DCLK1: variants seen among roughly 807,000 people sequenced by gnomAD.
DCLK1 encodes the protein serine/threonine-protein kinase DCLK1.
DCLK1 carries 16 observed loss-of-function variants against 86.2 expected under a neutral mutation model. The observed-to-expected ratio is 0.19, with a 90% confidence interval of 0.13 to 0.28. The LOEUF (loss-of-function observed/expected upper bound fraction) is 0.28. DCLK1 is among the 10% of genes least tolerant of loss of function. DCLK1 has a pLI of 1.00. For synonymous variants in DCLK1, 369 were observed against 370.5 expected, an observed-to-expected ratio of 1.00 and a Z score of 0.05; for missense variants, 590 against 940.2, an observed-to-expected ratio of 0.63 and a Z score of 4.87.
intron 8 of DCLK1, among the ~76,000 whole-genome samples, chr13:35,835,528 T>C (rs1196425122): frequency 6.6e-6 from 1 of 152,194 alleles, no homozygotes; most frequent in African/African-American, 2.4e-5. Flanking sequence ...AACCCTTCCC[T>C]TTGGGCCACA....
chr13:36,117,848 T>G (rs1306586465), intron 2 of DCLK1, among the ~76,000 whole-genome samples: 1 of 152,088 alleles, frequency 6.6e-6, no homozygotes, highest in Non-Finnish European at 1.5e-5. Flanking sequence ...CAGTAAGTAA[T>G]AATTGCTAAG....
chr13:35,935,450 G>A (rs1049161524), intron 4 of DCLK1, among the ~76,000 whole-genome samples: 3 of 152,184 alleles, frequency 2.0e-5, no homozygotes, highest in Non-Finnish European at 2.9e-5. Context: ...TTGGAAAGGA[G>A]GGGGACAGAT....
intron 10 of DCLK1, among the ~76,000 whole-genome samples, chr13:35,826,697 A>G (rs574988132): frequency 1.3e-5 from 2 of 152,148 alleles, no homozygotes; most frequent in Admixed American, 1.3e-4. Flanking sequence ...TAGAATGAAC[A>G]TTTTTCATAT....
intron 3 of DCLK1, among the ~76,000 whole-genome samples, chr13:36,058,782 T>C (rs1883429213): frequency 6.6e-6 from 1 of 152,196 alleles, no homozygotes; most frequent in Non-Finnish European, 1.5e-5. Context: ...TTTGCTTATG[T>C]TGAATTTGGC....
intron 3 of DCLK1, among the ~76,000 whole-genome samples, chr13:36,031,665 T>C (rs971279819): frequency 6.6e-6 from 1 of 152,216 alleles, no homozygotes; most frequent in Admixed American, 6.5e-5. Context: ...CTCAGTATTA[T>C]TTACAGTGAC....
At chr13:35,889,846 G>A (rs17053108) in intron 4 of DCLK1, among the ~76,000 whole-genome samples, 1,920 of 152,144 alleles carry the variant, frequency 0.013, 28 homozygotes, top group African/African-American at 0.043. Context: ...GACTATCATA[G>A]CCATGTAATT....
In DCLK1 at chr13:35,772,048, C is replaced by G. The variant is rs940569044; in HGVS notation, c.*2487G>C. On this transcript the variant is annotated 3_prime_UTR_variant, in exon 17 of 17. Transcript: ENST00000360631. ...TCTCTGACATTCAGGATCTTGGTAG[C>G]TTAATGTTAGAAAGATTGCATTCCA... 1 of 152,196 alleles carries G rather than the reference C, an allele frequency of 6.6e-6. No homozygotes were observed. The highest frequency in any genetic ancestry group is 1.5e-5 in the Non-Finnish European group (1 of 68,042). The allele number at this position is 152,196 out of a possible 1,614,324, so 9.4% of individuals were successfully genotyped here. A position where few individuals can be genotyped will look rare whatever the true frequency, so the allele number is the denominator to read the frequency against.
At chr13:35,806,486 G>A (rs1000403900) in intron 14 of DCLK1, among the ~76,000 whole-genome samples, 1 of 152,148 alleles carries the variant, frequency 6.6e-6, no homozygotes, top group Non-Finnish European at 1.5e-5. Context: ...GGGTCTTAAC[G>A]ATGAGTATGC....
intron 3 of DCLK1, among the ~76,000 whole-genome samples, chr13:35,987,068 C>T (rs184162309): frequency 1.2e-4 from 19 of 152,294 alleles, no homozygotes; most frequent in African/African-American, 4.3e-4. Flanking sequence ...CCTTCCTGTT[C>T]TCTCATTAAT....
At chr13:35,843,368 C>T (rs1190984531) in intron 6 of DCLK1, among the ~76,000 whole-genome samples, 2 of 152,164 alleles carry the variant, frequency 1.3e-5, no homozygotes, top group Non-Finnish European at 1.5e-5. Context: ...TTTTATGGCA[C>T]ACCTTCATAA....
At position 36,047,465 on chromosome 13, in the gene DCLK1, G is replaced by GTA. The variant is rs147102651; in HGVS notation, c.723+64402_723+64403dup. 9.7e-3 allele frequency among the ~76,000 whole-genome samples: 1,475 copies of GTA among 152,174 alleles called. 26 individuals are homozygous for GTA. Among genetic ancestry groups the GTA allele is most frequent in the African/African-American group, 0.034 (1,407 of 41,500 alleles). ...GATAGATACATGGGTTAAAAACATA[G>GTA]TATATATATCTGCATGTACACAATG... On this transcript the variant is annotated intron_variant, in intron 3 of 16. Transcript: ENST00000360631.
chr13:35,846,234 A>C (rs1434749533), intron 6 of DCLK1: 19 of 984,990 alleles, frequency 1.9e-5, no homozygotes, highest in Non-Finnish European at 1.6e-5. Context: ...CTTTATAAAA[A>C]CGTTATCCAA....
intron 4 of DCLK1, among the ~76,000 whole-genome samples, chr13:35,898,685 G>T (rs1874158455): frequency 6.6e-6 from 1 of 152,138 alleles, no homozygotes; most frequent in Non-Finnish European, 1.5e-5. Flanking sequence ...GCCATTTTAT[G>T]TGTCACAGTC....
At chr13:35,794,044 A>G (rs2086757215) in intron 15 of DCLK1, among the ~76,000 whole-genome samples, 1 of 152,188 alleles carries the variant, frequency 6.6e-6, no homozygotes, top group Non-Finnish European at 1.5e-5. Flanking sequence ...CTGCCTTCAA[A>G]TCATCTGTTA....
chr13:35,833,852 G>C (rs1261170479), intron 8 of DCLK1, among the ~76,000 whole-genome samples: 5 of 152,182 alleles, frequency 3.3e-5, no homozygotes, highest in Non-Finnish European at 7.3e-5. Flanking sequence ...CGTTCAGCAG[G>C]AGCCGAATAC....
chr13:36,064,016 T>A (rs909299792), intron 3 of DCLK1, among the ~76,000 whole-genome samples: 9 of 152,102 alleles, frequency 5.9e-5, no homozygotes, highest in Non-Finnish European at 1.3e-4. Flanking sequence ...CCTATAATAA[T>A]CAGGTAAAAT....
At chr13:36,093,094 C>T (rs1199282449) in intron 3 of DCLK1, among the ~76,000 whole-genome samples, 1 of 152,126 alleles carries the variant, frequency 6.6e-6, no homozygotes, top group Non-Finnish European at 1.5e-5. Flanking sequence ...AGCTTGAAAT[C>T]CTTACTTCTA....
chr13:35,902,843 A>G (rs1179817263), intron 4 of DCLK1, among the ~76,000 whole-genome samples: 1 of 152,220 alleles, frequency 6.6e-6, no homozygotes, highest in African/African-American at 2.4e-5. Context: ...GATGCTGGCC[A>G]AACATTTCAG....
intron 6 of DCLK1, chr13:35,850,103 CGTT>C (rs1362170397): frequency 1.0e-6 from 1 of 984,620 alleles, no homozygotes; most frequent in African/African-American, 1.7e-5. Context: ...TGAGATGTGT[CGTT>C]GTCATAATTT....
Sources: gnomAD v4.1 joint callset for allele counts (sites outside exome capture counted in the v4.1 genomes callset) on GRCh38, gnomAD v4.1.1 for gene constraint, MANE v1.5 for transcripts, NCBI Gene and HGNC (gene_info 2026-07-23, HGNC 2026-07-21) for gene names.